The following DGKG variants were observed in gnomAD, a reference collection of about 807,000 sequenced individuals.
DGKG encodes the protein DAG kinase gamma.
In DGKG, 78 loss-of-function variants were observed where a neutral mutation model predicts 105.3. That is an observed-to-expected ratio of 0.74 (90% confidence interval 0.62 to 0.89). The LOEUF is 0.89. DGKG is among the 40% of genes least tolerant of loss of function. The pLI is 0.00. For missense variants in DGKG, 958 were observed against 1,020.1 expected, an observed-to-expected ratio of 0.94 and a Z score of 0.83; for synonymous variants, 346 against 367.1, an observed-to-expected ratio of 0.94 and a Z score of 0.66.
intron 1 of DGKG, among the ~76,000 whole-genome samples, chr3:186,344,574 GAC>G (rs983297903): frequency 3.9e-5 from 6 of 152,054 alleles, no homozygotes; most frequent in African/African-American, 1.4e-4. Flanking sequence ...GGAAACAACA[GAC>G]ACGGATTCTA....
chr3:186,299,813 CTTTCTTTCTTTCTTTCTTTCTTTCT>C (rs1224985661), intron 3 of DGKG, among the ~76,000 whole-genome samples: 15 of 98,020 alleles, frequency 1.5e-4, no homozygotes, highest in Non-Finnish European at 2.1e-4. Flanking sequence ...TTCTTTCTTT[CTTTCTTTCTTTCTTTCTTTCTTTCT>C]TTTTTTTTTT....
rs1161225391 is a variant in DGKG at position 186,231,304 on chromosome 3, G to A, written c.1826+11200C>T. Among the ~76,000 whole-genome samples the A allele has an allele frequency of 1.3e-5, 2 of 152,162 alleles. No homozygotes were observed. Among genetic ancestry groups the A allele is most frequent in the Non-Finnish European group, 2.9e-5 (2 of 68,034 alleles). On this transcript the variant is annotated intron_variant, in intron 20 of 24. Transcript: ENST00000265022. This position sits in a 1 kb window ranked among gnomAD's most constrained non-coding sequence, Gnocchi z 4.5. The stretch of plus-strand genomic sequence containing the variant: ...TGGGGCACAAAACTGGGCACATGGA[G>A]AGGCAGGGAATTGTAGCAGGCTAAG...
At chr3:186,360,988 G>A (rs766380636) in intron 1 of DGKG, among the ~76,000 whole-genome samples, 1 of 152,228 alleles carries the variant, frequency 6.6e-6, no homozygotes, top group Non-Finnish European at 1.5e-5. Flanking sequence ...GGTTCACAGC[G>A]CTCCCGGGCA....
At chr3:186,194,453 T>C (rs1718074945) in intron 21 of DGKG, among the ~76,000 whole-genome samples, 1 of 152,146 alleles carries the variant, frequency 6.6e-6, no homozygotes, top group Admixed American at 6.5e-5. Flanking sequence ...GCCCCTCCAC[T>C]CCAGCCCTGT....
At chr3:186,257,681 C>CTT (rs34393958) in intron 17 of DGKG, 173 bp downstream of exon 17, 28,067 of 458,670 alleles carry the variant, frequency 0.061, 633 homozygotes, top group Non-Finnish European at 0.072. Context: ...TGTCTTATTT[C>CTT]TTTTTTTTTT....
At chr3:186,307,925 T>C (rs151178378) in intron 2 of DGKG, among the ~76,000 whole-genome samples, 13 of 151,470 alleles carry the variant, frequency 8.6e-5, no homozygotes, top group Non-Finnish European at 1.6e-4. Context: ...TCTTGATGGA[T>C]AAAATTGAGC....
intron 24 of DGKG, chr3:186,159,016 AC>A (rs1422031772): frequency 4.0e-6 from 1 of 250,538 alleles, no homozygotes; most frequent in African/African-American, 2.3e-5. Context: ...CGTATGTATA[AC>A]CTTTCATTTT....
At chr3:186,354,816 A>ATGCC (rs1215334153) in intron 1 of DGKG, among the ~76,000 whole-genome samples, 1 of 152,164 alleles carries the variant, frequency 6.6e-6, no homozygotes, top group African/African-American at 2.4e-5. Flanking sequence ...TGGAGAAGGC[A>ATGCC]CTGGTCAGAG....
At chr3:186,256,680 C>T (rs558137107) in intron 17 of DGKG, among the ~76,000 whole-genome samples, 97 of 152,344 alleles carry the variant, frequency 6.4e-4, no homozygotes, top group Middle Eastern at 3.4e-3. Context: ...CTGCTTCATC[C>T]GCTGTAGCTT....
chr3:186,297,527 A>G, intron 4 of DGKG, 44 bp from the exon 5 acceptor site: 1 of 1,385,202 alleles, frequency 7.2e-7, no homozygotes, highest in Non-Finnish European at 1.0e-6. Context: ...CAGGCCCTCT[A>G]GCTTCTTGGA....
In DGKG at chr3:186,166,627, ATGTG is replaced by A. The variant is rs5855082; in HGVS notation, c.2096-1613_2096-1610del. Among the ~76,000 whole-genome samples, 201 of 149,482 alleles carry A rather than the reference ATGTG, an allele frequency of 1.3e-3. 1 individual carries two copies. Among genetic ancestry groups the A allele is most frequent in the Non-Finnish European group, 1.6e-3 (109 of 67,256 alleles). On this transcript the variant is annotated intron_variant, in intron 22 of 24. Coordinates refer to ENST00000265022, the MANE Select transcript of DGKG (RefSeq NM_001346.3). ...TCTGTGAAAACAACATGGGCTATAA[ATGTG>A]TGTGTGTGTGTGTGTGTGTGTAAGA...
intron 23 of DGKG, among the ~76,000 whole-genome samples, chr3:186,162,102 G>A (rs1428827237): frequency 6.6e-6 from 1 of 152,190 alleles, no homozygotes; most frequent in African/African-American, 2.4e-5. Flanking sequence ...CTCCATGTTG[G>A]TCAAGCTGGT....
intron 19 of DGKG, among the ~76,000 whole-genome samples, chr3:186,244,548 G>C (rs1044381743): frequency 6.6e-6 from 1 of 151,824 alleles, no homozygotes; most frequent in Non-Finnish European, 1.5e-5. Flanking sequence ...GGGATTACAG[G>C]CATCCGCCAC....
intron 5 of DGKG, among the ~76,000 whole-genome samples, chr3:186,295,556 C>A (rs969404223): frequency 6.5e-5 from 9 of 139,050 alleles, no homozygotes; most frequent in African/African-American, 2.1e-4. Context: ...ATACTGCATT[C>A]TTTTTCCCCT....
Position 186,284,650 on chromosome 3 carries a change from G to A in DGKG, c.594+10C>T, listed in dbSNP as rs1487107736. 1.9e-6 allele frequency: 3 copies of A among 1,612,276 alleles called. No individual in the cohort carries two copies. The South Asian group carries it at 3.3e-5, about 18-fold the overall frequency. Reference sequence around the variant, plus strand: ...CAGGTCCATGAGGGATATTTAGAGTGAGAACTTACCGCTTGGTCCAGGAGA... The same window carrying A: ...CAGGTCCATGAGGGATATTTAGAGTAAGAACTTACCGCTTGGTCCAGGAGA... On this transcript the variant is annotated intron_variant, in intron 7 of 24. Transcript: ENST00000265022. The surrounding 1 kb of genome is among the most constrained non-coding windows in gnomAD (Gnocchi z 4.0).
chr3:186,228,379 G>A (rs941173868), intron 20 of DGKG, among the ~76,000 whole-genome samples: 1 of 152,086 alleles, frequency 6.6e-6, no homozygotes, highest in Non-Finnish European at 1.5e-5. Context: ...ACTTCAGCAA[G>A]GTTCAGTATT....
intron 2 of DGKG, among the ~76,000 whole-genome samples, chr3:186,312,603 T>G (rs540539911): frequency 2.0e-5 from 3 of 152,100 alleles, no homozygotes; most frequent in Admixed American, 6.5e-5. Flanking sequence ...GGGGAGTCAC[T>G]GAGACGAGGG....
chr3:186,354,424 A>G (rs1726802364), intron 1 of DGKG, among the ~76,000 whole-genome samples: 1 of 152,260 alleles, frequency 6.6e-6, no homozygotes, highest in African/African-American at 2.4e-5. Context: ...GTTTCTCTGC[A>G]GACGACACTG....
At chr3:186,262,113 G>C (rs995483718) in intron 14 of DGKG, among the ~76,000 whole-genome samples, 1 of 152,156 alleles carries the variant, frequency 6.6e-6, no homozygotes, top group Non-Finnish European at 1.5e-5. Context: ...TATGATCTTA[G>C]AAAGCACGGC....
Sources: allele counts gnomAD v4.1 joint callset (sites outside exome capture counted in the v4.1 genomes callset), GRCh38; gene constraint gnomAD v4.1.1; non-coding constraint Gnocchi (gnomAD v3.1); transcripts MANE v1.5; gene names NCBI Gene and HGNC (gene_info 2026-07-23, HGNC 2026-07-21).